CADPS2: variants seen among roughly 807,000 people sequenced by gnomAD.
CADPS2 encodes calcium-dependent secretion activator 2.
In CADPS2, 93 loss-of-function variants were observed where a neutral mutation model predicts 172.5. That is an observed-to-expected ratio of 0.54 (90% confidence interval 0.46 to 0.64). The LOEUF is 0.64. Ranked by LOEUF, CADPS2 falls within the 30% of genes least tolerant of loss-of-function variation. CADPS2 has a pLI of 0.00. For synonymous variants in CADPS2, 546 were observed against 555.2 expected (o/e 0.98, Z 0.23); for missense variants, 1,420 against 1,565.9 (o/e 0.91, Z 1.57).
At chr7:122,526,192 T>A (rs1401943843) in intron 8 of CADPS2, among the ~76,000 whole-genome samples, 1 of 151,850 alleles carries the variant, frequency 6.6e-6, no homozygotes, top group African/African-American at 2.4e-5. Context: ...ATTTATTTAT[T>A]TATTTATTTA....
chr7:122,842,305 A>C (rs558624129), intron 1 of CADPS2, among the ~76,000 whole-genome samples: 2 of 152,254 alleles, frequency 1.3e-5, no homozygotes, highest in Admixed American at 1.3e-4. Flanking sequence ...GAGGGTGGAA[A>C]ATGGGTCTAG....
intron 9 of CADPS2, among the ~76,000 whole-genome samples, chr7:122,512,499 A>G (rs2060075345): frequency 6.6e-6 from 1 of 152,152 alleles, no homozygotes; most frequent in Non-Finnish European, 1.5e-5. Context: ...TTCTATGAGC[A>G]AAGTTATCCA....
At chr7:122,581,517 T>C (rs1990350) in intron 6 of CADPS2, among the ~76,000 whole-genome samples, 25,717 of 152,094 alleles carry the variant, frequency 0.17, 2,626 homozygotes, top group African/African-American at 0.29. Context: ...TGTTGGACTA[T>C]AAAAAATTGC....
intron 2 of CADPS2, among the ~76,000 whole-genome samples, chr7:122,666,505 G>A (rs1177328304): frequency 3.3e-5 from 5 of 151,944 alleles, no homozygotes; most frequent in African/African-American, 7.2e-5. Context: ...CACCATGGCC[G>A]GCTAATTTTT....
chr7:122,747,211 C>T (rs2092755178), intron 1 of CADPS2, among the ~76,000 whole-genome samples: 1 of 152,046 alleles, frequency 6.6e-6, no homozygotes, highest in African/African-American at 2.4e-5. Flanking sequence ...TTCCCCCCAA[C>T]ACCCAGCCAC....
At chr7:122,859,578 AAT>A (rs2141259285) in intron 1 of CADPS2, among the ~76,000 whole-genome samples, 1 of 152,282 alleles carries the variant, frequency 6.6e-6, no homozygotes, top group East Asian at 1.9e-4. Context: ...ACATAAGAAA[AAT>A]AGAGAATATT....
At chr7:122,480,202 A>C in intron 12 of CADPS2, 1 of 459,026 alleles carries the variant, frequency 2.2e-6, no homozygotes, top group Non-Finnish European at 4.6e-6. Flanking sequence ...AGAAAAAAAG[A>C]AGTGGAATAG....
chr7:122,452,204 TC>T (rs1406663149), intron 14 of CADPS2, among the ~76,000 whole-genome samples: 1 of 152,230 alleles, frequency 6.6e-6, no homozygotes, highest in Non-Finnish European at 1.5e-5. Context: ...TTATTCTGTA[TC>T]AATTTAGGTA....
chr7:122,679,475 G>T (rs1450348488), intron 2 of CADPS2, among the ~76,000 whole-genome samples: 1 of 152,128 alleles, frequency 6.6e-6, no homozygotes, highest in Admixed American at 6.5e-5. Flanking sequence ...GCAGGACGTG[G>T]ACGTTCATTA....
chr7:122,842,724 G>A (rs1041173340), intron 1 of CADPS2, among the ~76,000 whole-genome samples: 9 of 151,926 alleles, frequency 5.9e-5, no homozygotes, highest in Admixed American at 2.0e-4. Context: ...AGTAAAAATT[G>A]GTATATTTTA....
In CADPS2 at chr7:122,547,494, A is replaced by G. The variant is rs186092487; in HGVS notation, c.1475+7056T>C. ...TTACAACTGTGAGCATAATTTCTGC[A>G]TTCTATTCTTTTCTAAAAAAAATTC... is the stretch of plus-strand genomic sequence containing the variant. On this transcript the variant is annotated intron_variant, in intron 8 of 29. Coordinates refer to ENST00000449022, the MANE Select transcript of CADPS2 (RefSeq NM_017954.11). Among the ~76,000 whole-genome samples, 207 of 152,280 alleles carry G rather than the reference A, an allele frequency of 1.4e-3. 1 individual carries two copies. The highest frequency in any genetic ancestry group is 0.012 in the Admixed American group (180 of 15,286).
intron 2 of CADPS2, among the ~76,000 whole-genome samples, chr7:122,682,945 G>A (rs2083213769): frequency 6.6e-6 from 1 of 152,198 alleles, no homozygotes; most frequent in Admixed American, 6.5e-5. Flanking sequence ...AGCAATTGTA[G>A]AGACTGGAAC....
intron 8 of CADPS2, among the ~76,000 whole-genome samples, chr7:122,528,516 T>C (rs967039607): frequency 1.3e-5 from 2 of 152,124 alleles, no homozygotes; most frequent in African/African-American, 4.8e-5. Flanking sequence ...CATGTATCTT[T>C]ATTTAGGGGA....
intron 24 of CADPS2, among the ~76,000 whole-genome samples, chr7:122,381,105 G>T (rs767513947): frequency 3.3e-5 from 5 of 151,998 alleles, no homozygotes; most frequent in Non-Finnish European, 7.4e-5. Context: ...TGGCTGATGG[G>T]TAGGGTAATC....
chr7:122,836,971 A>G (rs1270545426), intron 1 of CADPS2, among the ~76,000 whole-genome samples: 2 of 152,224 alleles, frequency 1.3e-5, no homozygotes, highest in Non-Finnish European at 2.9e-5. Flanking sequence ...TCAACAGAAT[A>G]TACATTCTTC....
At chr7:122,725,189 T>A (rs1349920642) in intron 2 of CADPS2, among the ~76,000 whole-genome samples, 1 of 152,054 alleles carries the variant, frequency 6.6e-6, no homozygotes, top group Non-Finnish European at 1.5e-5. Context: ...TAAGTCATAA[T>A]ATAAGTAAAT....
At chr7:122,644,669 A>G (rs2078104476) in intron 3 of CADPS2, among the ~76,000 whole-genome samples, 1 of 152,216 alleles carries the variant, frequency 6.6e-6, no homozygotes, top group Non-Finnish European at 1.5e-5. Flanking sequence ...AAACAAAAAT[A>G]AAAACTGGTC....
At chr7:122,878,404 G>A (rs890006772) in intron 1 of CADPS2, among the ~76,000 whole-genome samples, 9 of 152,052 alleles carry the variant, frequency 5.9e-5, no homozygotes, top group African/African-American at 2.2e-4. Context: ...TGTAATCCCA[G>A]CACTTTGGGA....
intron 5 of CADPS2, among the ~76,000 whole-genome samples, chr7:122,617,205 A>G (rs1031266193): frequency 6.6e-6 from 1 of 152,164 alleles, no homozygotes; most frequent in African/African-American, 2.4e-5. Context: ...TTTCAAAACA[A>G]TACTTCCAAC....
Sources: gnomAD v4.1 joint callset for allele counts (sites outside exome capture counted in the v4.1 genomes callset) on GRCh38, gnomAD v4.1.1 for gene constraint, MANE v1.5 for transcripts, NCBI Gene and HGNC (gene_info 2026-07-23, HGNC 2026-07-21) for gene names.